Variants in ARL15 observed in about 807,000 individuals in gnomAD.
The protein encoded by ARL15 is ADP-ribosylation factor-like protein 15.
ARL15 carries 19 observed loss-of-function variants against 25.2 expected under a neutral mutation model. The ratio of observed to expected loss-of-function variants is 0.75; its 90% CI spans 0.53 to 1.10. ARL15 has a LOEUF of 1.10. Ranked by LOEUF, ARL15 falls within the 50% of genes least tolerant of loss-of-function variation. The pLI is 0.00. For synonymous variants in ARL15, 94 were observed against 86.8 expected, an observed-to-expected ratio of 1.08 and a Z score of -0.46; for missense variants, 220 against 246.0, an observed-to-expected ratio of 0.89 and a Z score of 0.71.
Position 54,116,118 on chromosome 5 carries a change from A to G in ARL15, c.254-2708T>C, listed in dbSNP as rs75764689. ...GTCTAGTCCAAAGGCAAGGGAGCTG[A>G]GCTATTACACCCTTGTATAGTCATT... On this transcript the variant is annotated intron_variant, in intron 3 of 4. Transcript: ENST00000504924. Among the ~76,000 whole-genome samples, 506 of 152,316 alleles carry G rather than the reference A, an allele frequency of 3.3e-3. 2 individuals carry two copies. The highest frequency in any genetic ancestry group is 8.4e-3 in the Admixed American group (129 of 15,300).
intron 4 of ARL15, among the ~76,000 whole-genome samples, chr5:53,936,859 C>T (rs1746363213): frequency 6.6e-6 from 1 of 152,156 alleles, no homozygotes; most frequent in Admixed American, 6.5e-5. Flanking sequence ...AGTGCGATTT[C>T]CACCACCCTC....
In ARL15 at chr5:53,933,642, CAAAAAAA is replaced by C. The variant is rs34912827; in HGVS notation, c.463-46936_463-46930del. On this transcript the variant is annotated intron_variant, in intron 4 of 4. Coordinates refer to ENST00000504924, the MANE Select transcript of ARL15 (RefSeq NM_019087.3). ...TCTGGGCGACAGAGCGAGACTGTCT[CAAAAAAA>C]AAAAAAAAAAAAAAAAGATGCAGAA... 3.8e-3 allele frequency among the ~76,000 whole-genome samples: 286 copies of C among 76,030 alleles called. 1 individual carries two copies. The highest frequency in any genetic ancestry group is 0.013 in the African/African-American group (253 of 19,378). 49.9% of individuals were successfully genotyped at this position (76,030 alleles called of 152,430 possible).
At chr5:53,923,947 A>G (rs1561151442) in intron 4 of ARL15, among the ~76,000 whole-genome samples, 1 of 152,228 alleles carries the variant, frequency 6.6e-6, no homozygotes, top group Non-Finnish European at 1.5e-5. Context: ...ACTTATAACG[A>G]CTTGTAATTC....
chr5:54,259,011 T>C (rs1201630465), intron 1 of ARL15, among the ~76,000 whole-genome samples: 1 of 152,236 alleles, frequency 6.6e-6, no homozygotes, highest in Non-Finnish European at 1.5e-5. Flanking sequence ...CAACCCTTGT[T>C]GTCCAGTGGA....
chr5:54,137,450 A>G (rs1277725910), intron 3 of ARL15, among the ~76,000 whole-genome samples: 26 of 151,334 alleles, frequency 1.7e-4, no homozygotes, highest in Admixed American at 1.6e-3. Flanking sequence ...CTTTTCTTCC[A>G]CTCCTCAGTT....
chr5:53,981,319 T>C (rs527744111), intron 4 of ARL15, among the ~76,000 whole-genome samples: 5 of 152,338 alleles, frequency 3.3e-5, no homozygotes, highest in African/African-American at 1.2e-4. Flanking sequence ...ACAGTCATCC[T>C]TTGGTTTTAT....
At chr5:54,005,628 C>G (rs1295327610) in intron 4 of ARL15, among the ~76,000 whole-genome samples, 1 of 151,984 alleles carries the variant, frequency 6.6e-6, no homozygotes, top group Non-Finnish European at 1.5e-5. Flanking sequence ...CTTTCGGAGG[C>G]CGAGGCGGGC....
At chr5:54,215,229 T>A (rs902771000) in intron 1 of ARL15, among the ~76,000 whole-genome samples, 14 of 152,162 alleles carry the variant, frequency 9.2e-5, no homozygotes, top group South Asian at 2.1e-4. Flanking sequence ...TTTTTTTTTT[T>A]TAAATCCAAG....
chr5:54,017,587 GAAAAA>G (rs34358029), intron 4 of ARL15, among the ~76,000 whole-genome samples: 12,850 of 131,508 alleles, frequency 0.098, 684 homozygotes, highest in Non-Finnish European at 0.13. Flanking sequence ...CTTTGTGGAA[GAAAAA>G]AAAAAAAAAA....
At chr5:54,080,454 A>G (rs531970904) in intron 4 of ARL15, among the ~76,000 whole-genome samples, 34 of 152,330 alleles carry the variant, frequency 2.2e-4, no homozygotes, top group African/African-American at 8.2e-4. Flanking sequence ...TATTTTTTAC[A>G]TAAGCATTTA....
intron 4 of ARL15, among the ~76,000 whole-genome samples, chr5:54,083,046 T>C (rs1448458105): frequency 6.6e-6 from 1 of 152,214 alleles, no homozygotes; most frequent in Non-Finnish European, 1.5e-5. Flanking sequence ...GAAAAATATG[T>C]AAGCAAATGT....
chr5:54,203,166 C>G (rs773195086), intron 1 of ARL15, among the ~76,000 whole-genome samples: 5 of 152,270 alleles, frequency 3.3e-5, no homozygotes, highest in Non-Finnish European at 7.4e-5. Context: ...TTACTATACT[C>G]AGCTCCCCAC....
chr5:53,943,662 C>G (rs1746621998), intron 4 of ARL15, among the ~76,000 whole-genome samples: 1 of 152,116 alleles, frequency 6.6e-6, no homozygotes, highest in Admixed American at 6.5e-5. Context: ...ATGGCCAAGT[C>G]TGGTTGAGAA....
At chr5:53,961,378 G>A (rs1019325016) in intron 4 of ARL15, among the ~76,000 whole-genome samples, 7 of 151,246 alleles carry the variant, frequency 4.6e-5, no homozygotes, top group African/African-American at 1.7e-4. Flanking sequence ...CACGCCTGTA[G>A]TCCCAGCTAC....
intron 1 of ARL15, among the ~76,000 whole-genome samples, chr5:54,282,025 G>T (rs1177914867): frequency 2.6e-5 from 4 of 152,112 alleles, no homozygotes; most frequent in African/African-American, 9.7e-5. Flanking sequence ...TTTCTACTAG[G>T]AACCTTTCCT....
At chr5:53,935,980 C>T (rs1746337320) in intron 4 of ARL15, among the ~76,000 whole-genome samples, 1 of 152,092 alleles carries the variant, frequency 6.6e-6, no homozygotes, top group African/African-American at 2.4e-5. Context: ...AACTCCCAAC[C>T]TCAGGTGATC....
At chr5:54,299,477 T>C (rs974372317) in intron 1 of ARL15, among the ~76,000 whole-genome samples, 1 of 151,640 alleles carries the variant, frequency 6.6e-6, no homozygotes, top group East Asian at 1.9e-4. Flanking sequence ...TCTAAAACGA[T>C]AATAGTAAAT....
chr5:53,954,896 G>T (rs564557641), intron 4 of ARL15, among the ~76,000 whole-genome samples: 4 of 151,952 alleles, frequency 2.6e-5, no homozygotes, highest in Admixed American at 2.0e-4. Flanking sequence ...TTTCCACATT[G>T]CACCAGCTCT....
intron 4 of ARL15, among the ~76,000 whole-genome samples, chr5:53,932,399 T>A (rs1459206112): frequency 6.6e-6 from 1 of 152,142 alleles, no homozygotes; most frequent in Admixed American, 6.6e-5. Flanking sequence ...AGCTCCCCCT[T>A]CATAGGAGAG....
Sources: gnomAD v4.1 joint callset for allele counts (sites outside exome capture counted in the v4.1 genomes callset) on GRCh38, gnomAD v4.1.1 for gene constraint, MANE v1.5 for transcripts, NCBI Gene and HGNC (gene_info 2026-07-23, HGNC 2026-07-21) for gene names.